The following ELP6 variants were observed in gnomAD, a reference collection of about 807,000 sequenced individuals.
The protein encoded by ELP6 is elongator complex protein 6.
A neutral mutation model predicts 28.1 loss-of-function variants in ELP6; 23 were observed. The ratio of observed to expected loss-of-function variants is 0.82; its 90% CI spans 0.59 to 1.16. The LOEUF (loss-of-function observed/expected upper bound fraction) is 1.16. Among genes scored for constraint, ELP6 ranks in the 50% most tolerant of loss-of-function variants. The probability of loss-of-function intolerance (pLI) is 0.00; values close to 1 mark genes in which losing one functional copy is unlikely to be tolerated. For missense variants in ELP6, 313 were observed against 334.6 expected, an observed-to-expected ratio of 0.94 and a Z score of 0.50; for synonymous variants, 132 against 135.8, an observed-to-expected ratio of 0.97 and a Z score of 0.19.
intron 5 of ELP6, 57 bp downstream of exon 5, chr3:47,501,593 C>A: frequency 6.5e-7 from 1 of 1,549,010 alleles, no homozygotes; most frequent in Admixed American, 1.7e-5. Context: ...GAGGTCTGGA[C>A]CTGTCTGAGT....
At chr3:47,510,087 A>C in intron 3 of ELP6, 97 bp downstream of exon 3, 1 of 993,824 alleles carries the variant, frequency 1.0e-6, no homozygotes, top group Non-Finnish European at 1.6e-6. Context: ...CTCTTTTGCT[A>C]AGTTCTGTAC....
At chr3:47,504,922 T>C (rs757586225) in intron 3 of ELP6, among the ~76,000 whole-genome samples, 12 of 152,212 alleles carry the variant, frequency 7.9e-5, no homozygotes, top group Non-Finnish European at 1.6e-4. Context: ...ATCATGCTGC[T>C]GCACTCCAGC....
rs1417794877 is a variant in ELP6, at chr3:47,495,996, C to T, written c.*73G>A. On this transcript the variant is annotated 3_prime_UTR_variant, in exon 7 of 7. Transcript: ENST00000296149. ...AATATTACTACAGAGGAGAAAGACC[C>T]ATTCTTGCTATGTTGCTCTATCTTC... 7 of 1,607,722 alleles carry T rather than the reference C, an allele frequency of 4.4e-6. No individual in the cohort carries two copies. The highest frequency in any genetic ancestry group is 5.9e-6 in the Non-Finnish European group (7 of 1,177,594).
chr3:47,498,171 T>C, intron 6 of ELP6, 115 bp downstream of exon 6: 2 of 1,457,022 alleles, frequency 1.4e-6, no homozygotes, highest in Non-Finnish European at 1.9e-6. Context: ...GTGTTTCCCT[T>C]CCACCTGAAG....
intron 3 of ELP6, among the ~76,000 whole-genome samples, chr3:47,506,784 C>G (rs565148615): frequency 6.6e-6 from 1 of 152,154 alleles, no homozygotes; most frequent in East Asian, 1.9e-4. Flanking sequence ...CCTCGGCTTG[C>G]GAGATGACAG....
intron 1 of ELP6, chr3:47,511,478 CAG>C (rs1481064492): frequency 1.0e-5 from 13 of 1,292,672 alleles, no homozygotes; most frequent in African/African-American, 3.0e-5. Context: ...TCAAAGCAAA[CAG>C]AGAATAAACT....
At chr3:47,504,243 A>G (rs1222724526) in intron 4 of ELP6, 87 bp downstream of exon 4, 1 of 1,457,538 alleles carries the variant, frequency 6.9e-7, no homozygotes, top group Admixed American at 2.3e-5. Flanking sequence ...CTCCTGCACA[A>G]TAAGAAGGAA....
At chr3:47,502,604 G>C (rs762920136) in intron 4 of ELP6, 3 of 955,608 alleles carry the variant, frequency 3.1e-6, no homozygotes, top group Non-Finnish European at 3.7e-6. Flanking sequence ...GGGGGCCAGC[G>C]GGGGAGGATC....
At position 47,501,793 on chromosome 3, in the gene ELP6, GC is replaced by G; in HGVS notation, c.381del (p.Lys127AsnfsTer3). 1 of 1,613,956 alleles carries G rather than the reference GC, an allele frequency of 6.2e-7. No individual in the cohort carries two copies. The highest frequency in any genetic ancestry group is 8.5e-7 in the Non-Finnish European group (1 of 1,179,996). ...PLFEFVREAL[K>X]PVDSGEARWT... ...CACCGAGCCTCTCCACTGTCTACTG[GC>G]TTCAGGGCCTCCCGTACAAACTCAA... On this transcript the variant is annotated frameshift_variant, in exon 5 of 7. Coordinates refer to ENST00000296149, the MANE Select transcript of ELP6 (RefSeq NM_001031703.3). LOFTEE classifies it high-confidence loss of function.
chr3:47,511,329 AAG>A (rs1709012087), intron 1 of ELP6, 103 bp from the exon 2 acceptor site: 1 of 1,468,758 alleles, frequency 6.8e-7, no homozygotes, highest in South Asian at 1.3e-5. Flanking sequence ...TCTCCACCTG[AAG>A]AGTTTATTTT....
At chr3:47,508,763 TC>T (rs1708921740) in intron 3 of ELP6, among the ~76,000 whole-genome samples, 1 of 150,224 alleles carries the variant, frequency 6.7e-6, no homozygotes, top group African/African-American at 2.4e-5. Flanking sequence ...ATTTTTTTTT[TC>T]CTTTTTTTTT....
At chr3:47,497,437 A>G in intron 6 of ELP6, 4 of 693,114 alleles carry the variant, frequency 5.8e-6, no homozygotes, top group Non-Finnish European at 7.1e-6. Flanking sequence ...CCTGGGTTCA[A>G]GCGATTCTCC....
intron 1 of ELP6, chr3:47,512,150 A>G (rs1709033404): frequency 1.8e-5 from 15 of 831,460 alleles, no homozygotes; most frequent in Non-Finnish European, 2.2e-5. Flanking sequence ...GAAAGCTACA[A>G]TTTGGCGCTA....
Position 47,511,216 on chromosome 3 carries a change from G to T in ELP6, c.65C>A (p.Thr22Asn). The T allele has an allele frequency of 3.1e-6, 5 of 1,614,084 alleles. No individual in the cohort carries two copies. The highest frequency in any genetic ancestry group is 3.4e-6 in the Non-Finnish European group (4 of 1,179,988). The change falls in exon 2 of 7, where the codon ACT becomes AAT. Residue 22 changes from threonine (T) to asparagine (N), a missense_variant. Thr to Asn is a moderately conservative substitution (Grantham distance 65). Coordinates refer to ENST00000296149, the MANE Select transcript of ELP6 (RefSeq NM_001031703.3). Reference sequence around the variant, plus strand: ...ATCTGTCTTGGCATCACAGAGTAGAGTCAGTTTCCCCTAAAAGTTACAAGG... The same window carrying T: ...ATCTGTCTTGGCATCACAGAGTAGATTCAGTTTCCCCTAAAAGTTACAAGG... The part of the protein sequence containing the change: ...TPDRAEQGKL[T>N]LLCDAKTDGS...
At chr3:47,500,000 C>A (rs1338772661) in intron 5 of ELP6, 4 of 1,317,656 alleles carry the variant, frequency 3.0e-6, no homozygotes, top group South Asian at 1.2e-5. Flanking sequence ...GACACACTGG[C>A]GGGTAAATAT....
chr3:47,510,898 T>C (rs1261095852), intron 2 of ELP6, among the ~76,000 whole-genome samples: 1 of 152,042 alleles, frequency 6.6e-6, no homozygotes. Context: ...AGTGAGGCAA[T>C]GTCCACACAG....
At chr3:47,511,068 G>T (rs1404879947) in intron 2 of ELP6, 80 bp downstream of exon 2, 4 of 1,230,432 alleles carry the variant, frequency 3.3e-6, no homozygotes, top group Non-Finnish European at 3.5e-6. Flanking sequence ...TGCTGTTATT[G>T]CTTCCTTAAA....
At chr3:47,501,480 A>T in intron 5 of ELP6, 170 bp downstream of exon 5, 1 of 638,568 alleles carries the variant, frequency 1.6e-6, no homozygotes, top group Non-Finnish European at 2.8e-6. Flanking sequence ...TTTACTTTTC[A>T]GCAATGGCAG....
rs1212223395 is a variant in ELP6, at chr3:47,498,358, G to C, written c.600C>G (p.Leu200=). The change falls in exon 6 of 7, where the codon CTC becomes CTG. Residue 200 remains leucine (L), a synonymous_variant. Transcript: ENST00000296149. ...GCAGTATCAGATGGCTCTGATGACT[G>C]AGGCCATTCAGCAGGATGTCATTCT... ...DEENDILLNG[L]SHQSHLILRA... is the part of the protein sequence containing the mutation. 1 of 1,613,796 alleles carries C rather than the reference G, an allele frequency of 6.2e-7. No individual in the cohort carries two copies. The highest frequency in any genetic ancestry group is 1.7e-5 in the Admixed American group (1 of 60,020).
Sources: allele counts gnomAD v4.1 joint callset (sites outside exome capture counted in the v4.1 genomes callset), GRCh38; gene constraint gnomAD v4.1.1; transcripts MANE v1.5; gene names NCBI Gene and HGNC (gene_info 2026-07-23, HGNC 2026-07-21).